The following ZNF556 variants were observed in gnomAD, a reference collection of about 807,000 sequenced individuals.
ZNF556 encodes zinc finger protein 556.
Under a neutral mutation model 13.6 loss-of-function variants are expected in ZNF556, and 11 were observed. That is an observed-to-expected ratio of 0.81 (90% CI 0.51 to 1.33). The LOEUF (loss-of-function observed/expected upper bound fraction) is 1.33. ZNF556 is among the 40% of genes most tolerant of loss of function. The pLI, the probability that ZNF556 is intolerant of heterozygous loss-of-function variation, is 0.00. For synonymous variants in ZNF556, 229 were observed against 207.8 expected (o/e 1.10, Z -0.88); for missense variants, 633 against 566.2 (o/e 1.12, Z -1.20).
chr19:2,877,677 T>A lies in ZNF556; in HGVS notation c.719T>A (p.Phe240Tyr). The A allele has an allele frequency of 6.2e-7, 1 of 1,614,122 alleles. No individual in the cohort carries two copies. Residue 240 changes from phenylalanine (F) to tyrosine (Y), a missense_variant, in exon 4 of 4, where the codon TTC becomes TAC. Phe to Tyr is a conservative substitution (Grantham distance 22). Coordinates refer to ENST00000307635, the MANE Select transcript of ZNF556 (RefSeq NM_024967.3). The stretch of plus-strand genomic sequence containing the variant: ...GAATGTGGGCAGTGTGGGAAAGGCT[T>A]CAGTTGTCCCAAATCCTTTCGCGCA... ...PYECGQCGKG[F>Y]SCPKSFRAHV...
At chr19:2,875,943 G>A (rs921975761) in intron 2 of ZNF556, 150 bp from the exon 3 acceptor site, 77 of 663,328 alleles carry the variant, frequency 1.2e-4, no homozygotes, top group African/African-American at 1.1e-3. Flanking sequence ...CAGCCTGGGC[G>A]ACAGAGTGAG....
chr19:2,877,487 T>C lies in ZNF556; in HGVS notation c.529T>C (p.Cys177Arg). ...RAHSGQKLYK[C>R]KECGKAFSRP... Reference sequence around the variant, plus strand: ...TCACTCTGGACAAAAATTATATAAATGTAAGGAATGTGGGAAAGCCTTCAG... The same window carrying C: ...TCACTCTGGACAAAAATTATATAAACGTAAGGAATGTGGGAAAGCCTTCAG... The change falls in exon 4 of 4, where the codon TGT becomes CGT. Residue 177 changes from cysteine to arginine, a missense_variant. Transcript: ENST00000307635. The C allele has an allele frequency of 1.2e-6, 2 of 1,614,158 alleles. No individual in the cohort carries two copies. The highest frequency in any genetic ancestry group is 1.7e-6 in the Non-Finnish European group (2 of 1,180,044).
intron 1 of ZNF556, among the ~76,000 whole-genome samples, chr19:2,867,714 AAAAACAAAAC>A (rs1231231663): frequency 1.7e-4 from 24 of 140,012 alleles, no homozygotes; most frequent in South Asian, 1.6e-3. Flanking sequence ...CCAAAGTACA[AAAAACAAAAC>A]AAAAAAAAAA....
chr19:2,871,574 G>T (rs1207250234), intron 1 of ZNF556, among the ~76,000 whole-genome samples: 1 of 152,206 alleles, frequency 6.6e-6, no homozygotes, highest in African/African-American at 2.4e-5. Flanking sequence ...AGCACTTTGG[G>T]AGGCTGAGGT....
In ZNF556 at chr19:2,878,634, C is replaced by A. The variant is rs183498735; in HGVS notation, c.*305C>A. ...GAGCTTGCAGTGAGCCGAGATGGCACCACTGCACTCCAGCCTGGGTGACAG... is the reference window on the plus strand; with the variant it reads ...GAGCTTGCAGTGAGCCGAGATGGCAACACTGCACTCCAGCCTGGGTGACAG... On this transcript the variant is annotated 3_prime_UTR_variant, in exon 4 of 4. Coordinates refer to ENST00000307635, the MANE Select transcript of ZNF556 (RefSeq NM_024967.3). 8.5e-4 allele frequency: 197 copies of A among 232,736 alleles called. 1 individual carries two copies. The highest frequency in any genetic ancestry group is 4.4e-3 in the African/African-American group (190 of 43,170). 14.4% of individuals were successfully genotyped at this position (232,736 alleles called of 1,614,324 possible).
chr19:2,881,328 C>T lies in ZNF556; in HGVS notation c.*2999C>T, dbSNP rs1038745087. 6.6e-6 allele frequency: 1 copy of T among 152,076 alleles called. No individual in the cohort carries two copies. Among genetic ancestry groups the T allele is most frequent in the Non-Finnish European group, 1.5e-5 (1 of 68,024 alleles). 9.4% of individuals were successfully genotyped at this position (152,076 alleles called of 1,614,324 possible). A position where few individuals can be genotyped will look rare whatever the true frequency, so the allele number is the denominator to read the frequency against. Reference sequence around the variant, plus strand: ...TGGCTCACGCCTGTAATCCCAGGACCCACCGAGGCGGGTGGATCACCTGAT... The same window carrying T: ...TGGCTCACGCCTGTAATCCCAGGACTCACCGAGGCGGGTGGATCACCTGAT... On this transcript the variant is annotated 3_prime_UTR_variant, in exon 4 of 4. Transcript: ENST00000307635.
rs753052940 is a variant in ZNF556 at position 2,873,534 on chromosome 19, G to A, written c.42G>A (p.Thr14=). 2.1e-5 allele frequency: 34 copies of A among 1,614,066 alleles called. No homozygotes were observed. The highest frequency in any genetic ancestry group is 1.8e-4 in the Admixed American group (11 of 59,998). The change falls in exon 2 of 4, where the codon ACG becomes ACA. Residue 14 remains threonine (T), a synonymous_variant. Coordinates refer to ENST00000307635, the MANE Select transcript of ZNF556 (RefSeq NM_024967.3). Reference sequence around the variant, plus strand: ...TTGAAGACGTGGTTGTGGATTTCACGCTGGAGGAGTGGGCCTTGCTGAATC... The same window carrying A: ...TTGAAGACGTGGTTGTGGATTTCACACTGGAGGAGTGGGCCTTGCTGAATC... ...VVFEDVVVDF[T]LEEWALLNPA... is the part of the protein sequence containing the mutation.
intron 1 of ZNF556, among the ~76,000 whole-genome samples, chr19:2,870,263 A>G (rs543316760): frequency 2.0e-5 from 3 of 151,600 alleles, no homozygotes; most frequent in African/African-American, 4.8e-5. Context: ...CCTGACCAAC[A>G]TGGTAAAACC....
Position 2,882,513 on chromosome 19 carries a change from T to TTATATATATATA in ZNF556, c.*4191_*4202dup, listed in dbSNP as rs10624714. ...AATTTTAGGGCATGATGTATACATTTTATATATATATATATATAGTGTGTG... is the reference window on the plus strand; with the variant it reads ...AATTTTAGGGCATGATGTATACATTTTATATATATATATATATATATATATATATAGTGTGTG... On this transcript the variant is annotated 3_prime_UTR_variant, in exon 4 of 4. Transcript: ENST00000307635. 7.2e-6 allele frequency: 1 copy of TTATATATATATA among 138,880 alleles called. No individual in the cohort carries two copies. The allele number at this position is 138,880 out of a possible 1,614,324, so 8.6% of individuals were successfully genotyped here.
intron 1 of ZNF556, among the ~76,000 whole-genome samples, chr19:2,869,608 C>T (rs1047404145): frequency 3.9e-5 from 6 of 152,198 alleles, no homozygotes; most frequent in East Asian, 1.9e-4. Flanking sequence ...CCTCATGATC[C>T]GCCCACCTCG....
rs773306058 is a variant in ZNF556, at chr19:2,878,075, G to A, written c.1117G>A (p.Glu373Lys). The change falls in exon 4 of 4, where the codon GAA (glutamate) becomes AAA (lysine). Residue 373 changes from glutamate to lysine, a missense_variant. By Grantham distance (56) the Glu-to-Lys change is moderately conservative. Coordinates refer to ENST00000307635, the MANE Select transcript of ZNF556 (RefSeq NM_024967.3). ...AACTAGAGAGAAAGTCTATAAATGTGAAACGTGTGGGAAAACGTATGGTTG... is the reference window on the plus strand; with the variant it reads ...AACTAGAGAGAAAGTCTATAAATGTAAAACGTGTGGGAAAACGTATGGTTG... ...SQTREKVYKC[E>K]TCGKTYGWSS... 1 of 1,614,160 alleles carries A rather than the reference G, an allele frequency of 6.2e-7. No individual in the cohort carries two copies. The highest frequency in any genetic ancestry group is 8.5e-7 in the Non-Finnish European group (1 of 1,180,038).
chr19:2,877,789 T>C lies in ZNF556; in HGVS notation c.831T>C (p.His277=), dbSNP rs192575711. The C allele has an allele frequency of 1.2e-5, 20 of 1,613,344 alleles. No individual in the cohort carries two copies. The East Asian group carries it at 4.2e-4, about 34-fold the overall frequency. The change falls in exon 4 of 4, where the codon CAT becomes CAC. Residue 277 remains histidine, a synonymous_variant. Transcript: ENST00000307635. ...AFRCQKSFRV[H]MIMHAGGRPY... is the part of the protein sequence containing the mutation. ...GGTGTCAGAAATCCTTTCGAGTCCA[T>C]ATGATCATGCACGCCGGAGGGAGAC...
Position 2,867,365 on chromosome 19 carries a change from C to G in ZNF556, c.-57C>G. ...ACCACAGGTGTCCCCGTCGTGCTCA[C>G]CTGCACCGGCTGCGAGGAGCAGGGA... is the stretch of plus-strand genomic sequence containing the variant. On this transcript the variant is annotated 5_prime_UTR_variant, in exon 1 of 4. Coordinates refer to ENST00000307635, the MANE Select transcript of ZNF556 (RefSeq NM_024967.3). 6.4e-7 allele frequency: 1 copy of G among 1,564,890 alleles called. No homozygotes were observed. The highest frequency in any genetic ancestry group is 8.7e-7 in the Non-Finnish European group (1 of 1,154,046).
At chr19:2,875,828 G>A (rs1419734438) in intron 2 of ZNF556, among the ~76,000 whole-genome samples, 1 of 152,018 alleles carries the variant, frequency 6.6e-6, no homozygotes, top group Non-Finnish European at 1.5e-5. Flanking sequence ...GCTGGGCATG[G>A]TGGCACGCAC....
Position 2,877,413 on chromosome 19 carries a change from G to A in ZNF556, c.455G>A (p.Cys152Tyr). 1 of 1,614,204 alleles carries A rather than the reference G, an allele frequency of 6.2e-7. No individual in the cohort carries two copies. Residue 152 changes from cysteine (C) to tyrosine (Y), a missense_variant, in exon 4 of 4, where the codon TGT (cysteine) becomes TAT (tyrosine). Coordinates refer to ENST00000307635, the MANE Select transcript of ZNF556 (RefSeq NM_024967.3). ...TSVRRYECSQ[C>Y]GKLFTHSSSL... Reference sequence around the variant, plus strand: ...GTAAGACGGTACGAATGCAGTCAGTGTGGAAAACTCTTCACCCATTCCTCA... The same window carrying A: ...GTAAGACGGTACGAATGCAGTCAGTATGGAAAACTCTTCACCCATTCCTCA...
Position 2,867,439 on chromosome 19 carries a change from G to GGAGCC in ZNF556, c.3+22_3+26dup. 1 of 1,583,814 alleles carries GGAGCC rather than the reference G, an allele frequency of 6.3e-7. No homozygotes were observed. Among genetic ancestry groups the GGAGCC allele is most frequent in the Non-Finnish European group, 8.6e-7 (1 of 1,166,488 alleles). Reference sequence around the variant, plus strand: ...GACAGGACATGGTGAGTGCAGGGCAGGAGCCGAGCCGGAGCCGGAGCCCTG... The same window carrying GGAGCC: ...GACAGGACATGGTGAGTGCAGGGCAGGAGCCGAGCCGAGCCGGAGCCGGAGCCCTG... On this transcript the variant is annotated intron_variant, in intron 1 of 3. Transcript: ENST00000307635.
At position 2,877,527 on chromosome 19, in the gene ZNF556, T is replaced by A. The variant is rs1377065716; in HGVS notation, c.569T>A (p.Leu190Gln). The A allele has an allele frequency of 6.2e-7, 1 of 1,614,024 alleles. No homozygotes were observed. Among genetic ancestry groups the A allele is most frequent in the Non-Finnish European group, 8.5e-7 (1 of 1,180,040 alleles). ...AAAGCCTTCAGTCGCCCTTCCTACC[T>A]ACAGACGCATGAGAAAACTCACAGT... Reference protein sequence around the residue: ...CGKAFSRPSYLQTHEKTHSGE... With the variant: ...CGKAFSRPSYQQTHEKTHSGE... The change falls in exon 4 of 4, where the codon CTA (leucine) becomes CAA (glutamine). Residue 190 changes from leucine to glutamine, a missense_variant. Transcript: ENST00000307635.
chr19:2,868,432 A>G (rs2087775266), intron 1 of ZNF556, among the ~76,000 whole-genome samples: 1 of 152,212 alleles, frequency 6.6e-6, no homozygotes, highest in South Asian at 2.1e-4. Context: ...TTATTTTTTG[A>G]AACGGAGTCT....
In ZNF556 at chr19:2,877,828, G is replaced by A. The variant is rs1011309377; in HGVS notation, c.870G>A (p.Lys290=). ...MHAGGRPYEC[K]QCGKAYCWAT... ...CCGGAGGGAGACCGTATGAGTGCAA[G>A]CAGTGTGGGAAAGCCTACTGCTGGG... Residue 290 remains lysine, a synonymous_variant, in exon 4 of 4, where the codon AAG becomes AAA. Coordinates refer to ENST00000307635, the MANE Select transcript of ZNF556 (RefSeq NM_024967.3). The A allele has an allele frequency of 6.2e-7, 1 of 1,614,162 alleles. No homozygotes were observed. The highest frequency in any genetic ancestry group is 1.1e-5 in the South Asian group (1 of 91,088).
Sources: allele counts gnomAD v4.1 joint callset (sites outside exome capture counted in the v4.1 genomes callset), GRCh38; gene constraint gnomAD v4.1.1; transcripts MANE v1.5; gene names NCBI Gene and HGNC (gene_info 2026-07-23, HGNC 2026-07-21).